NKAIN2: variants seen among roughly 807,000 people sequenced by gnomAD.
NKAIN2 encodes sodium/potassium transporting ATPase interacting 2.
Under a neutral mutation model 32.6 loss-of-function variants are expected in NKAIN2, and 14 were observed. That is an observed-to-expected ratio of 0.43 (90% CI 0.28 to 0.67). The LOEUF (loss-of-function observed/expected upper bound fraction) is 0.67, where lower values mean the gene tolerates loss of function less well. NKAIN2 is among the 30% of genes least tolerant of loss of function. The pLI is 0.17. For missense variants in NKAIN2, 198 were observed against 258.3 expected (o/e 0.77, Z 1.60); for synonymous variants, 80 against 87.2 (o/e 0.92, Z 0.46).
At chr6:124,211,811 A>T (rs1316614902) in intron 1 of NKAIN2, among the ~76,000 whole-genome samples, 3 of 152,072 alleles carry the variant, frequency 2.0e-5, no homozygotes, top group Admixed American at 6.6e-5. Context: ...GAACAGAAAA[A>T]GTTAAAAGTC....
chr6:124,307,225 G>C (rs970355451), intron 2 of NKAIN2, among the ~76,000 whole-genome samples: 3 of 152,148 alleles, frequency 2.0e-5, no homozygotes, highest in Non-Finnish European at 2.9e-5. Context: ...GTCTGGCTAT[G>C]CTTATTTTGA....
chr6:124,100,094 C>T (rs1784811010), intron 1 of NKAIN2, among the ~76,000 whole-genome samples: 4 of 152,130 alleles, frequency 2.6e-5, no homozygotes, highest in Admixed American at 2.6e-4. Context: ...TAAAATTGAA[C>T]ACAGTTTATT....
At chr6:124,004,900 TA>T (rs61291413) in intron 1 of NKAIN2, among the ~76,000 whole-genome samples, 65,530 of 138,378 alleles carry the variant, frequency 0.47, 15,345 homozygotes, top group African/African-American at 0.62. Flanking sequence ...AAAAAGAAAG[TA>T]AAAAAAAAAA....
At chr6:124,261,594 A>G (rs1235259157) in intron 1 of NKAIN2, among the ~76,000 whole-genome samples, 1 of 152,152 alleles carries the variant, frequency 6.6e-6, no homozygotes, top group African/African-American at 2.4e-5. Flanking sequence ...AGCATGGTAC[A>G]TGACGCCCGT....
At chr6:124,306,678 C>T (rs1796517268) in intron 2 of NKAIN2, among the ~76,000 whole-genome samples, 1 of 152,094 alleles carries the variant, frequency 6.6e-6, no homozygotes. Context: ...TTCCTCTCTT[C>T]TTAAGTAGCA....
At chr6:124,415,141 T>G (rs1774403629) in intron 3 of NKAIN2, among the ~76,000 whole-genome samples, 1 of 152,190 alleles carries the variant, frequency 6.6e-6, no homozygotes, top group Non-Finnish European at 1.5e-5. Flanking sequence ...CCAGACACTA[T>G]CCACCTGCAG....
chr6:124,672,860 C>G (rs117584954), intron 4 of NKAIN2, among the ~76,000 whole-genome samples: 2,684 of 152,188 alleles, frequency 0.018, 27 homozygotes, highest in Non-Finnish European at 0.031. Context: ...TAACTACTCT[C>G]TAACTCATTT....
chr6:123,976,914 G>A (rs531874777), intron 1 of NKAIN2, among the ~76,000 whole-genome samples: 35 of 151,748 alleles, frequency 2.3e-4, no homozygotes, highest in African/African-American at 7.2e-4. Flanking sequence ...AAAGTGGCAC[G>A]GATAATAGTA....
chr6:124,539,886 A>T (rs1779849241), intron 3 of NKAIN2, among the ~76,000 whole-genome samples: 1 of 151,844 alleles, frequency 6.6e-6, no homozygotes. Context: ...ATGCCCAGCT[A>T]ATTTTTTGTA....
chr6:124,599,149 C>T (rs1209979319), intron 3 of NKAIN2, among the ~76,000 whole-genome samples: 1 of 151,402 alleles, frequency 6.6e-6, no homozygotes, highest in African/African-American at 2.4e-5. Context: ...CTAATGATTA[C>T]TTCCTGTCTT....
intron 3 of NKAIN2, among the ~76,000 whole-genome samples, chr6:124,656,621 T>C (rs1282902291): frequency 1.3e-5 from 2 of 152,096 alleles, no homozygotes; most frequent in Non-Finnish European, 2.9e-5. Context: ...CATGATTTAG[T>C]TGGTGTCTCT....
intron 3 of NKAIN2, among the ~76,000 whole-genome samples, chr6:124,492,957 C>A (rs1777922683): frequency 6.6e-6 from 1 of 151,806 alleles, no homozygotes; most frequent in Non-Finnish European, 1.5e-5. Flanking sequence ...TGGGTCTGTG[C>A]ACTAGTTAGA....
rs1054676062 is a variant in NKAIN2 at position 124,654,851 on chromosome 6, C to A, written c.274-3335C>A. Among the ~76,000 whole-genome samples the A allele has an allele frequency of 2.4e-4, 36 of 152,270 alleles. 1 individual carries two copies. The highest frequency in any genetic ancestry group is 1.5e-4 in the Non-Finnish European group (10 of 68,004). ...GAGGCATGCAATGGATCCTTCTTCACAGAAAGCCCCTTGAAAGAACCTTAC... is the reference window on the plus strand; with the variant it reads ...GAGGCATGCAATGGATCCTTCTTCAAAGAAAGCCCCTTGAAAGAACCTTAC... On this transcript the variant is annotated intron_variant, in intron 3 of 6. Transcript: ENST00000368417.
chr6:123,885,839 A>T (rs1773686346), intron 1 of NKAIN2, among the ~76,000 whole-genome samples: 1 of 152,024 alleles, frequency 6.6e-6, no homozygotes, highest in Non-Finnish European at 1.5e-5. Flanking sequence ...AATTTAAAAA[A>T]TGGTACATTA....
chr6:124,745,161 A>AT (rs1182329397), intron 4 of NKAIN2, among the ~76,000 whole-genome samples: 1 of 151,888 alleles, frequency 6.6e-6, no homozygotes, highest in Non-Finnish European at 1.5e-5. Context: ...AGATATGGCC[A>AT]TTTCCCAAAG....
intron 1 of NKAIN2, among the ~76,000 whole-genome samples, chr6:124,083,566 C>G (rs962207863): frequency 6.6e-6 from 1 of 151,750 alleles, no homozygotes; most frequent in Non-Finnish European, 1.5e-5. Flanking sequence ...TCTTTTACTA[C>G]TTCTTTATAA....
intron 1 of NKAIN2, among the ~76,000 whole-genome samples, chr6:124,074,225 T>C (rs1783590179): frequency 6.6e-6 from 1 of 152,146 alleles, no homozygotes; most frequent in Non-Finnish European, 1.5e-5. Context: ...TCAGGGTTTT[T>C]TAAATTTAGA....
chr6:124,785,956 G>A lies in NKAIN2; in HGVS notation c.475-5383G>A, dbSNP rs571687804. ...TCTTGGCTCCCTACTCTTTGTTGCT[G>A]TGGTTGGGGAGTGGGGCTACAATTT... On this transcript the variant is annotated intron_variant, in intron 4 of 6. Coordinates refer to ENST00000368417, the MANE Select transcript of NKAIN2 (RefSeq NM_001040214.3). Among the ~76,000 whole-genome samples, 4 of 152,274 alleles carry A rather than the reference G, an allele frequency of 2.6e-5. No homozygotes were observed. The East Asian group carries it at 7.7e-4, about 29-fold the overall frequency.
intron 1 of NKAIN2, among the ~76,000 whole-genome samples, chr6:124,046,197 C>T (rs1053222998): frequency 1.3e-5 from 2 of 151,860 alleles, no homozygotes; most frequent in African/African-American, 4.8e-5. Context: ...AGTCTTTTTA[C>T]ATATATATGC....
Sources: allele counts gnomAD v4.1 joint callset (sites outside exome capture counted in the v4.1 genomes callset), GRCh38; gene constraint gnomAD v4.1.1; transcripts MANE v1.5; gene names NCBI Gene and HGNC (gene_info 2026-07-23, HGNC 2026-07-21).